RPA1: variants seen among roughly 807,000 people sequenced by gnomAD.
The protein encoded by RPA1 is replication protein A1, also known as replication protein A 70 kDa DNA-binding subunit.
RPA1 carries 49 observed loss-of-function variants against 83.0 expected under a neutral mutation model. That is an observed-to-expected ratio of 0.59 (90% CI 0.47 to 0.75). The LOEUF (loss-of-function observed/expected upper bound fraction) is 0.75, where lower values mean the gene tolerates loss of function less well. Ranked by LOEUF, RPA1 falls within the 30% of genes least tolerant of loss-of-function variation. The pLI is 0.00. For missense variants in RPA1, 693 were observed against 776.1 expected (o/e 0.89, Z 1.27); for synonymous variants, 279 against 281.8 (o/e 0.99, Z 0.10).
chr17:1,843,841 A>G (rs1445630917), intron 2 of RPA1, 79 bp from the exon 3 acceptor site: 7 of 1,143,740 alleles, frequency 6.1e-6, no homozygotes, highest in Non-Finnish European at 2.6e-6. Flanking sequence ...TGGCAAACCC[A>G]CTCTCCTGCC....
chr17:1,874,829 C>T (rs1346609036), intron 6 of RPA1, among the ~76,000 whole-genome samples: 1 of 152,066 alleles, frequency 6.6e-6, no homozygotes, highest in South Asian at 2.1e-4. Context: ...TGGCACATGC[C>T]GTGGAAACCC....
At chr17:1,854,797 AT>A (rs1422031826) in intron 5 of RPA1, among the ~76,000 whole-genome samples, 1 of 152,162 alleles carries the variant, frequency 6.6e-6, no homozygotes, top group Non-Finnish European at 1.5e-5. Flanking sequence ...TATTTATTGA[AT>A]TTTTTTACAT....
chr17:1,862,217 T>TTG (rs1326318260), intron 5 of RPA1, among the ~76,000 whole-genome samples: 3 of 128,538 alleles, frequency 2.3e-5, no homozygotes, highest in African/African-American at 9.3e-5. Context: ...TTTTTTTTTT[T>TTG]TTGTAGCGAT....
At chr17:1,858,790 G>C (rs866776022) in intron 5 of RPA1, among the ~76,000 whole-genome samples, 3 of 151,832 alleles carry the variant, frequency 2.0e-5, no homozygotes, top group African/African-American at 7.3e-5. Context: ...TAGAGATCTT[G>C]TTCTTGATAT....
intron 9 of RPA1, 68 bp downstream of exon 9, chr17:1,879,129 C>T (rs1597450947): frequency 6.2e-7 from 1 of 1,610,968 alleles, no homozygotes; most frequent in Admixed American, 1.7e-5. Flanking sequence ...GACGCTGGCC[C>T]AGGGGAGGGG....
chr17:1,882,145 C>T (rs1346262375), intron 12 of RPA1, among the ~76,000 whole-genome samples: 2 of 152,214 alleles, frequency 1.3e-5, no homozygotes, highest in East Asian at 1.9e-4. Flanking sequence ...CTTTCATCTC[C>T]GGCCAGCTCC....
intron 2 of RPA1, 63 bp downstream of exon 2, chr17:1,842,916 C>A (rs554616389): frequency 6.5e-7 from 1 of 1,531,964 alleles, no homozygotes; most frequent in Non-Finnish European, 9.0e-7. Context: ...TTACAAGTTA[C>A]GTTTGATGAA....
At position 1,875,685 on chromosome 17, in the gene RPA1, G is replaced by C. The variant is rs372061337; in HGVS notation, c.479G>C (p.Gly160Ala). ...GGTTCTACTGTTTCTAAGGCTTATGGTGCTTCAAAGACATTTGGAAAAGCT... is the reference window on the plus strand; with the variant it reads ...GGTTCTACTGTTTCTAAGGCTTATGCTGCTTCAAAGACATTTGGAAAAGCT... ...GMGSTVSKAY[G>A]ASKTFGKAAG... Residue 160 changes from glycine (G) to alanine (A), a missense_variant, in exon 7 of 17, where the codon GGT becomes GCT. Transcript: ENST00000254719. 6.2e-7 allele frequency: 1 copy of C among 1,613,926 alleles called. No homozygotes were observed. The highest frequency in any genetic ancestry group is 8.5e-7 in the Non-Finnish European group (1 of 1,179,994).
At chr17:1,858,289 A>T (rs145460740) in intron 5 of RPA1, 114 of 1,611,210 alleles carry the variant, frequency 7.1e-5, no homozygotes, top group Admixed American at 2.7e-4. Flanking sequence ...CACGGCCGAC[A>T]TGCCAAAAAG....
chr17:1,884,382 T>C lies in RPA1; in HGVS notation c.1374+438T>C, dbSNP rs908088193. On this transcript the variant is annotated intron_variant, in intron 13 of 16. Transcript: ENST00000254719. This position sits in a 1 kb window ranked among gnomAD's most constrained non-coding sequence, Gnocchi z 4.1. ...GTTTCACGGGTGCTGTTCCTGGCTG[T>C]AGAATAGTGTATTAACCTCATAGGC... 2.0e-5 allele frequency among the ~76,000 whole-genome samples: 3 copies of C among 152,254 alleles called. No homozygotes were observed. The South Asian group carries it at 6.2e-4, about 32-fold the overall frequency.
At chr17:1,843,641 G>A (rs1480151149) in intron 2 of RPA1, among the ~76,000 whole-genome samples, 2 of 71,394 alleles carry the variant, frequency 2.8e-5, no homozygotes, top group African/African-American at 8.1e-5. Flanking sequence ...TATTATTTTG[G>A]TAATTGATTT....
intron 5 of RPA1, among the ~76,000 whole-genome samples, chr17:1,859,709 C>T (rs1344187387): frequency 1.3e-5 from 2 of 152,238 alleles, no homozygotes; most frequent in African/African-American, 4.8e-5. Context: ...CGGCTCAGTG[C>T]AGCCTCAACA....
chr17:1,846,645 T>C (rs930627588), intron 4 of RPA1, among the ~76,000 whole-genome samples: 1 of 151,976 alleles, frequency 6.6e-6, no homozygotes, highest in Non-Finnish European at 1.5e-5. Flanking sequence ...TCTTCTGGTA[T>C]GTGGTATGCT....
chr17:1,853,285 AATAAAATGATAGT>A, intron 5 of RPA1, 96 bp downstream of exon 5: 1 of 930,142 alleles, frequency 1.1e-6, no homozygotes, highest in Non-Finnish European at 1.7e-6. Context: ...TGTTAGTGTT[AATAAAATGATAGT>A]GATTCTGAGG....
chr17:1,877,605 A>G (rs575623333), intron 8 of RPA1, among the ~76,000 whole-genome samples: 1 of 152,370 alleles, frequency 6.6e-6, no homozygotes, highest in African/African-American at 2.4e-5. Context: ...CTTAAATGAC[A>G]GCGTTTGTAG....
intron 5 of RPA1, among the ~76,000 whole-genome samples, chr17:1,862,746 A>C (rs531476935): frequency 2.3e-3 from 85 of 37,646 alleles, no homozygotes; most frequent in Non-Finnish European, 3.7e-3. Flanking sequence ...TTTTGAGATG[A>C]AGTTTTGCTT....
chr17:1,856,876 G>A (rs193241996), intron 5 of RPA1, among the ~76,000 whole-genome samples: 19 of 151,960 alleles, frequency 1.3e-4, no homozygotes, highest in Non-Finnish European at 1.5e-5. Flanking sequence ...TGTAGAATTT[G>A]AGAGTTTCAT....
rs189527260 is a variant in RPA1 at position 1,872,400 on chromosome 17, T to C, written c.362-34T>C. On this transcript the variant is annotated intron_variant, in intron 5 of 16. Transcript: ENST00000254719. ...TTTAAATCTCTTAACCCAAATCCTTTGCACTAAAACGGGGTTTCCCTTTTG... is the reference window on the plus strand; with the variant it reads ...TTTAAATCTCTTAACCCAAATCCTTCGCACTAAAACGGGGTTTCCCTTTTG... The C allele has an allele frequency of 1.1e-4, 185 of 1,608,920 alleles. No individual in the cohort carries two copies. The African/African-American group carries it at 2.3e-3, about 20-fold the overall frequency.
chr17:1,888,475 CTTA>C (rs1914076059), intron 13 of RPA1, among the ~76,000 whole-genome samples, 197 bp from the exon 14 acceptor site: 1 of 152,180 alleles, frequency 6.6e-6, no homozygotes, highest in Admixed American at 6.5e-5. Flanking sequence ...TAGAACTTGG[CTTA>C]TTACCTTCAT....
Sources: gnomAD v4.1 joint callset for allele counts (sites outside exome capture counted in the v4.1 genomes callset) on GRCh38, gnomAD v4.1.1 for gene constraint, Gnocchi (gnomAD v3.1) non-coding constraint, MANE v1.5 for transcripts, NCBI Gene and HGNC (gene_info 2026-07-23, HGNC 2026-07-21) for gene names.